Variants in DIPK1A observed in about 807,000 individuals in gnomAD.
DIPK1A encodes family with sequence similarity 69 member A.
A neutral mutation model predicts 40.8 loss-of-function variants in DIPK1A; 27 were observed. The observed-to-expected ratio is 0.66, with a 90% CI of 0.49 to 0.91. The LOEUF is 0.91. DIPK1A is among the 40% of genes least tolerant of loss of function. DIPK1A has a pLI of 0.00. For missense variants in DIPK1A, 412 were observed against 505.7 expected, an observed-to-expected ratio of 0.81 and a Z score of 1.78; for synonymous variants, 166 against 171.3, an observed-to-expected ratio of 0.97 and a Z score of 0.24.
chr1:92,952,472 T>C (rs1204486474), intron 1 of DIPK1A, among the ~76,000 whole-genome samples: 1 of 151,944 alleles, frequency 6.6e-6, no homozygotes, highest in Non-Finnish European at 1.5e-5. Context: ...ATACAAAAAC[T>C]AGCCAGGTGT....
At chr1:92,901,964 G>A (rs761105251) in intron 1 of DIPK1A, among the ~76,000 whole-genome samples, 2 of 152,136 alleles carry the variant, frequency 1.3e-5, no homozygotes, top group African/African-American at 4.8e-5. Context: ...GCCCTGGGAT[G>A]CACAGCTGCT....
chr1:92,945,420 T>C (rs777038468), intron 1 of DIPK1A, among the ~76,000 whole-genome samples: 6 of 152,078 alleles, frequency 3.9e-5, no homozygotes, highest in African/African-American at 1.4e-4. Context: ...TTACTATTAA[T>C]GTTGAAGTTT....
At chr1:92,948,685 A>ACATATG (rs1651481554) in intron 1 of DIPK1A, among the ~76,000 whole-genome samples, 10 of 121,974 alleles carry the variant, frequency 8.2e-5, no homozygotes, top group Non-Finnish European at 1.1e-4. Context: ...ATACATGTAT[A>ACATATG]TGTATATATA....
downstream of DIPK1A, chr1:92,837,363 C>G (rs749211199): frequency 1.8e-6 from 2 of 1,088,654 alleles, no homozygotes; most frequent in Non-Finnish European, 2.9e-6. Context: ...ATAATTGTTT[C>G]AAGACGGGAC....
Position 92,961,398 on chromosome 1 carries a change from A to G in DIPK1A, c.32T>C (p.Leu11Pro). The G allele has an allele frequency of 3.9e-6, 6 of 1,531,384 alleles. No individual in the cohort carries two copies. Among genetic ancestry groups the G allele is most frequent in the Non-Finnish European group, 5.3e-6 (6 of 1,137,224 alleles). 94.9% of individuals were successfully genotyped at this position (1,531,384 alleles called of 1,614,324 possible). MARSLCPGAW[L>P]RKPYYLQARF... The stretch of plus-strand genomic sequence containing the variant: ...TACCTGGAGGTAATAGGGTTTCCTT[A>G]GCCAGGCCCCCGGACAGAGACTCCT... Residue 11 changes from leucine to proline, a missense_variant, in exon 1 of 5, where the codon CTA becomes CCA. Coordinates refer to ENST00000370310, the MANE Select transcript of DIPK1A (RefSeq NM_001006605.5).
chr1:92,952,615 G>C (rs1265309566), intron 1 of DIPK1A, among the ~76,000 whole-genome samples: 1 of 152,004 alleles, frequency 6.6e-6, no homozygotes, highest in East Asian at 1.9e-4. Flanking sequence ...AACAAAGCAA[G>C]ACTTTGCCTG....
chr1:92,914,326 C>A (rs2100841269), intron 1 of DIPK1A, among the ~76,000 whole-genome samples: 1 of 152,168 alleles, frequency 6.6e-6, no homozygotes, highest in South Asian at 2.1e-4. Context: ...TTTGTATTAT[C>A]AACATTTTAA....
intron 1 of DIPK1A, among the ~76,000 whole-genome samples, chr1:92,953,240 TAA>T (rs1011353293): frequency 3.3e-5 from 3 of 90,914 alleles, no homozygotes; most frequent in Admixed American, 1.2e-4. Context: ...TGGTCACTCT[TAA>T]AAAAAAAAAA....
chr1:92,885,441 C>T (rs913892619), intron 1 of DIPK1A, among the ~76,000 whole-genome samples: 4 of 152,086 alleles, frequency 2.6e-5, no homozygotes, highest in African/African-American at 9.7e-5. Flanking sequence ...CTGCAACCTC[C>T]GCCTCCTAGG....
At chr1:92,885,907 C>T (rs1317351418) in intron 1 of DIPK1A, among the ~76,000 whole-genome samples, 3 of 151,970 alleles carry the variant, frequency 2.0e-5, no homozygotes, top group East Asian at 1.9e-4. Context: ...TAGCTGTTTT[C>T]CATGTTTAAA....
intron 1 of DIPK1A, among the ~76,000 whole-genome samples, chr1:92,893,297 G>T (rs372340058): frequency 1.8e-4 from 27 of 151,580 alleles, no homozygotes; most frequent in South Asian, 8.4e-4. Flanking sequence ...GACTAACAGC[G>T]GATCTCTCGG....
At position 92,847,256 on chromosome 1, in the gene DIPK1A, A is replaced by G. The variant is rs375926241; in HGVS notation, c.401T>C (p.Ile134Thr). 1 of 1,612,044 alleles carries G rather than the reference A, an allele frequency of 6.2e-7. No homozygotes were observed. Among genetic ancestry groups the G allele is most frequent in the Non-Finnish European group, 8.5e-7 (1 of 1,178,848 alleles). The change falls in exon 4 of 5, where the codon ATA (isoleucine) becomes ACA (threonine). Residue 134 changes from isoleucine (I) to threonine (T), a missense_variant. Transcript: ENST00000370310. ...FGTELEPRKE[I>T]VLFDKPTRGT... ...TCTAGTTGGCTTATCAAATAGCACT[A>G]TTTCTTTTCTTGGTTCCAATTCAGT...
chr1:92,905,776 A>C (rs1458231484), intron 1 of DIPK1A, among the ~76,000 whole-genome samples: 1 of 152,076 alleles, frequency 6.6e-6, no homozygotes, highest in African/African-American at 2.4e-5. Context: ...TAAGTCTTTA[A>C]TCCATTTTGA....
intron 1 of DIPK1A, 113 bp downstream of exon 1, chr1:92,961,263 C>T (rs1652075978): frequency 5.1e-6 from 3 of 582,746 alleles, no homozygotes; most frequent in East Asian, 5.1e-5. Context: ...CAGCGGGGTT[C>T]GGGCGGGCAC....
At chr1:92,953,045 C>T (rs1651701953) in intron 1 of DIPK1A, among the ~76,000 whole-genome samples, 1 of 152,114 alleles carries the variant, frequency 6.6e-6, no homozygotes, top group African/African-American at 2.4e-5. Flanking sequence ...GAAAGGGGAA[C>T]TCTGCTCACA....
intron 2 of DIPK1A, among the ~76,000 whole-genome samples, chr1:92,866,433 A>G (rs765698117): frequency 6.6e-6 from 1 of 152,130 alleles, no homozygotes; most frequent in Non-Finnish European, 1.5e-5. Flanking sequence ...TGCCTCCTCT[A>G]TGAAGCCTTT....
intron 1 of DIPK1A, among the ~76,000 whole-genome samples, chr1:92,897,781 T>G (rs149342941): frequency 4.6e-5 from 7 of 152,074 alleles, no homozygotes; most frequent in East Asian, 1.9e-4. Flanking sequence ...CAAGGTGTAT[T>G]AATTTGTTTT....
intron 4 of DIPK1A, chr1:92,834,742 G>T (rs1687048564): frequency 6.2e-7 from 1 of 1,611,172 alleles, no homozygotes; most frequent in Non-Finnish European, 8.5e-7. Flanking sequence ...GACAGTGAAA[G>T]CAACAGATTA....
At chr1:92,902,039 G>C in intron 1 of DIPK1A, among the ~76,000 whole-genome samples, 1 of 152,116 alleles carries the variant, frequency 6.6e-6, no homozygotes, top group East Asian at 1.9e-4. Flanking sequence ...TTGGCTGGTG[G>C]GGGACGCGGG....
Sources: allele counts gnomAD v4.1 joint callset (sites outside exome capture counted in the v4.1 genomes callset), GRCh38; gene constraint gnomAD v4.1.1; transcripts MANE v1.5; gene names NCBI Gene and HGNC (gene_info 2026-07-23, HGNC 2026-07-21).